Variants in ANKRD55 observed in about 807,000 individuals in gnomAD.
ANKRD55 encodes the protein ankyrin repeat domain-containing protein 55.
ANKRD55 carries 41 observed loss-of-function variants against 60.6 expected under a neutral mutation model. That is an observed-to-expected ratio of 0.68 (90% confidence interval 0.53 to 0.88). The LOEUF is 0.88. ANKRD55 is among the 40% of genes least tolerant of loss of function. The pLI, the probability that ANKRD55 is intolerant of heterozygous loss-of-function variation, is 0.00. For missense variants in ANKRD55, 732 were observed against 767.6 expected, an observed-to-expected ratio of 0.95 and a Z score of 0.55; for synonymous variants, 264 against 290.3, an observed-to-expected ratio of 0.91 and a Z score of 0.92.
chr5:56,232,853 T>C lies in ANKRD55; in HGVS notation c.58+3A>G, dbSNP rs417615. ...CAAAGAATGTGTTAAAGCAGCATTT[T>C]ACCTCTTTGCTGATCAAACACAGAA... On this transcript the variant is annotated splice_donor_region_variant and intron_variant, in intron 2 of 11. Transcript: ENST00000341048. 5.0e-6 allele frequency: 8 copies of C among 1,613,938 alleles called. No individual in the cohort carries two copies. The highest frequency in any genetic ancestry group is 6.8e-6 in the Non-Finnish European group (8 of 1,179,842).
chr5:56,101,744 A>G (rs1208449381), intron 11 of ANKRD55, among the ~76,000 whole-genome samples: 1 of 152,152 alleles, frequency 6.6e-6, no homozygotes, highest in Non-Finnish European at 1.5e-5. Context: ...TTCATATAAA[A>G]TAAATCAATA....
At chr5:56,141,955 G>A (rs974258330) in intron 7 of ANKRD55, among the ~76,000 whole-genome samples, 3 of 152,166 alleles carry the variant, frequency 2.0e-5, no homozygotes, top group Non-Finnish European at 2.9e-5. Context: ...TCAAGCCCAA[G>A]TGTATTAATG....
At chr5:56,127,385 TAC>T in intron 7 of ANKRD55, 4 of 976,198 alleles carry the variant, frequency 4.1e-6, no homozygotes, top group Non-Finnish European at 4.9e-6. Flanking sequence ...TGAAATTAAA[TAC>T]AGGTGCAATG....
chr5:56,131,781 G>C (rs1250699071), intron 7 of ANKRD55, among the ~76,000 whole-genome samples: 2 of 93,054 alleles, frequency 2.1e-5, no homozygotes, highest in Admixed American at 3.5e-4. Flanking sequence ...GGGCAACAGA[G>C]CAAGACTCCG....
chr5:56,137,007 GC>G, intron 7 of ANKRD55: 1 of 688,700 alleles, frequency 1.5e-6, no homozygotes. Context: ...GACCCAGAGA[GC>G]CCCACAAAAT....
In ANKRD55 at chr5:56,111,600, G is replaced by A; in HGVS notation, c.1148C>T (p.Thr383Ile). Residue 383 changes from threonine to isoleucine, a missense_variant, in exon 10 of 12, where the codon ACC becomes ATC. By Grantham distance (89) the Thr-to-Ile change is moderately conservative. Around this residue, in one of 3 missense-constraint regions of ANKRD55, gnomAD observed 597 missense variants for 607.5 expected, o/e 0.98. Coordinates refer to ENST00000341048, the MANE Select transcript of ANKRD55 (RefSeq NM_024669.3). ...GGTACCCACGATGCTATCAAAGGTG[G>A]TGATGATGTCATTGACTTCTGAGGT... ...EDTSEVNDII[T>I]TFDSIVGTNC... 1.3e-6 allele frequency: 2 copies of A among 1,596,348 alleles called. No homozygotes were observed. Among genetic ancestry groups the A allele is most frequent in the Non-Finnish European group, 1.7e-6 (2 of 1,172,716 alleles).
chr5:56,159,889 G>A lies in ANKRD55; in HGVS notation c.427C>T (p.Leu143Phe), dbSNP rs1758282867. The A allele has an allele frequency of 5.6e-6, 9 of 1,613,276 alleles. No individual in the cohort carries two copies. Among genetic ancestry groups the A allele is most frequent in the Admixed American group, 1.7e-5 (1 of 59,990 alleles). The change falls in exon 6 of 12, where the codon CTC (leucine) becomes TTC (phenylalanine). Residue 143 changes from leucine to phenylalanine, a missense_variant. Transcript: ENST00000341048. ...AATAEPDMRLLTVLLQQSNIS... is the reference protein window; with the variant it reads ...AATAEPDMRLFTVLLQQSNIS... ...TTCGACTGTTGCAACAGGACCGTGA[G>A]GAGCCTGTAAGGAAAAAATAGGAGA...
intron 6 of ANKRD55, among the ~76,000 whole-genome samples, chr5:56,153,183 G>A (rs1758098312): frequency 2.0e-5 from 3 of 152,004 alleles, no homozygotes; most frequent in Non-Finnish European, 1.5e-5. Flanking sequence ...ATGAAATGAT[G>A]TTCATCTCAT....
At chr5:56,209,641 A>G (rs1260051950) in intron 2 of ANKRD55, among the ~76,000 whole-genome samples, 1 of 151,126 alleles carries the variant, frequency 6.6e-6, no homozygotes, top group Non-Finnish European at 1.5e-5. Flanking sequence ...TAATTTTTGT[A>G]TTTTTAGTAG....
chr5:56,102,111 G>C (rs759469995), intron 11 of ANKRD55, among the ~76,000 whole-genome samples: 11 of 152,168 alleles, frequency 7.2e-5, no homozygotes, highest in Non-Finnish European at 1.3e-4. Flanking sequence ...GTAGGGCTGG[G>C]CGTGGTGGCT....
chr5:56,119,053 A>C (rs887580629), intron 8 of ANKRD55, among the ~76,000 whole-genome samples: 2 of 152,208 alleles, frequency 1.3e-5, no homozygotes, highest in African/African-American at 4.8e-5. Context: ...ATAACCTACA[A>C]ATCCCACTTT....
chr5:56,219,168 G>A (rs1395216138), intron 2 of ANKRD55, among the ~76,000 whole-genome samples: 1 of 151,644 alleles, frequency 6.6e-6, no homozygotes, highest in Non-Finnish European at 1.5e-5. Flanking sequence ...AGCTATGTGG[G>A]AGGCTGGGGC....
intron 6 of ANKRD55, among the ~76,000 whole-genome samples, chr5:56,153,236 T>G (rs1355750882): frequency 6.6e-6 from 1 of 151,158 alleles, no homozygotes; most frequent in African/African-American, 2.4e-5. Context: ...CAGCAACAAC[T>G]GGGAAAAAAC....
At chr5:56,109,288 G>A (rs1561249702) in intron 10 of ANKRD55, among the ~76,000 whole-genome samples, 2 of 152,198 alleles carry the variant, frequency 1.3e-5, no homozygotes, top group Non-Finnish European at 2.9e-5. Context: ...GGACAGTGGT[G>A]TCTAAGTGGA....
At chr5:56,120,593 C>T (rs1157374356) in intron 8 of ANKRD55, among the ~76,000 whole-genome samples, 3 of 152,138 alleles carry the variant, frequency 2.0e-5, no homozygotes, top group African/African-American at 7.2e-5. Flanking sequence ...GAAAGGTGGT[C>T]CCCCTTCAAT....
intron 2 of ANKRD55, among the ~76,000 whole-genome samples, chr5:56,204,107 T>G (rs976972505): frequency 6.6e-6 from 1 of 152,202 alleles, no homozygotes; most frequent in African/African-American, 2.4e-5. Context: ...TTTCATGTTT[T>G]TTGACTGCAT....
At chr5:56,170,643 T>C (rs760826703) in intron 5 of ANKRD55, 51 bp downstream of exon 5, 10 of 1,419,680 alleles carry the variant, frequency 7.0e-6, no homozygotes, top group Non-Finnish European at 1.0e-5. Flanking sequence ...GACCTTCTCA[T>C]ACAAGTTGAG....
chr5:56,127,426 G>A lies in ANKRD55; in HGVS notation c.613-320C>T, dbSNP rs573626816. On this transcript the variant is annotated intron_variant, in intron 7 of 11. Coordinates refer to ENST00000341048, the MANE Select transcript of ANKRD55 (RefSeq NM_024669.3). ...TGACGTCAGAGCTAGAGTGATCGGT[G>A]GGCCACCTAGACAACAACTTGCTCA... The A allele has an allele frequency of 1.4e-5, 14 of 985,080 alleles. 1 individual carries two copies. The East Asian group carries it at 4.5e-4, about 32-fold the overall frequency. 61.0% of individuals were successfully genotyped at this position (985,080 alleles called of 1,614,324 possible). A position where few individuals can be genotyped will look rare whatever the true frequency, so the allele number is the denominator to read the frequency against.
intron 3 of ANKRD55, among the ~76,000 whole-genome samples, chr5:56,182,489 T>G (rs2111830792): frequency 6.6e-6 from 1 of 152,350 alleles, no homozygotes; most frequent in Non-Finnish European, 1.5e-5. Flanking sequence ...TTTCTTTAGT[T>G]TTAAGCATGT....
Sources: allele counts gnomAD v4.1 joint callset (sites outside exome capture counted in the v4.1 genomes callset), GRCh38; gene constraint gnomAD v4.1.1; regional missense constraint gnomAD v4.1.1; transcripts MANE v1.5; gene names NCBI Gene and HGNC (gene_info 2026-07-23, HGNC 2026-07-21).